NRG1: variants seen among roughly 807,000 people sequenced by gnomAD.
NRG1 encodes the protein neuregulin 1.
NRG1 carries 18 observed loss-of-function variants against 63.8 expected under a neutral mutation model. The observed-to-expected ratio is 0.28, with a 90% CI of 0.19 to 0.42. NRG1 has a LOEUF of 0.42. Ranked by LOEUF, NRG1 falls within the 10% of genes least tolerant of loss-of-function variation. The pLI, the probability that NRG1 is intolerant of heterozygous loss-of-function variation, is 1.00. For synonymous variants in NRG1, 302 were observed against 301.3 expected, an observed-to-expected ratio of 1.00 and a Z score of -0.02; for missense variants, 762 against 814.7, an observed-to-expected ratio of 0.94 and a Z score of 0.79.
intron 1 of NRG1, among the ~76,000 whole-genome samples, chr8:31,678,069 C>A (rs1354150090): frequency 7.1e-6 from 1 of 140,430 alleles, no homozygotes; most frequent in Admixed American, 7.6e-5. Context: ...AACCAACAAC[C>A]AGAAAACCCT....
chr8:32,417,984 G>T lies in NRG1; in HGVS notation c.38-177844G>T, dbSNP rs75737695. ...CTTATCTTGAAAAATGAAAATAATA[G>T]CTTCCAGATAAATCCTTATGATAGT... is the stretch of plus-strand genomic sequence containing the variant. On this transcript the variant is annotated intron_variant, in intron 1 of 10. Coordinates refer to the NRG1 transcript ENST00000519301. Among the ~76,000 whole-genome samples, 828 of 152,026 alleles carry T rather than the reference G, an allele frequency of 5.4e-3. 5 individuals are homozygous for T. The highest frequency in any genetic ancestry group is 0.018 in the African/African-American group (760 of 41,452).
At chr8:32,503,754 A>G (rs1178961402) in intron 1 of NRG1, among the ~76,000 whole-genome samples, 2 of 152,192 alleles carry the variant, frequency 1.3e-5, no homozygotes, top group Non-Finnish European at 2.9e-5. Context: ...AGTTCAGCTG[A>G]CGGACATACG....
At chr8:31,951,811 T>C (rs1586019810) in intron 1 of NRG1, among the ~76,000 whole-genome samples, 1 of 152,312 alleles carries the variant, frequency 6.6e-6, no homozygotes, top group East Asian at 1.9e-4. Flanking sequence ...AAAAGGAATA[T>C]GGAAAATACC....
At chr8:32,027,437 CTTCCTTCCTTCCTTCCTTCCTTCCTTCCT>C (rs1817572187) in intron 1 of NRG1, among the ~76,000 whole-genome samples, 1 of 123,540 alleles carries the variant, frequency 8.1e-6, no homozygotes, top group Non-Finnish European at 1.7e-5. Context: ...TCCTTCCTTC[CTTCCTTCCTTCCTTCCTTCCTTCCTTCCT>C]TCCCTCCCTC....
intron 1 of NRG1, among the ~76,000 whole-genome samples, chr8:32,530,213 T>C (rs143436552): frequency 6.6e-6 from 1 of 152,074 alleles, no homozygotes; most frequent in African/African-American, 2.4e-5. Context: ...GTTCATGCCA[T>C]TCTCCTGCCT....
chr8:32,266,561 G>T (rs188499340), intron 1 of NRG1, among the ~76,000 whole-genome samples: 1 of 152,136 alleles, frequency 6.6e-6, no homozygotes, highest in East Asian at 1.9e-4. Flanking sequence ...ATGTCAGCCA[G>T]GGCAGATAAA....
intron 1 of NRG1, among the ~76,000 whole-genome samples, chr8:32,088,219 C>T (rs1828571484): frequency 1.3e-5 from 2 of 152,196 alleles, no homozygotes; most frequent in Non-Finnish European, 2.9e-5. Context: ...AATAAAAGCT[C>T]CAAAGCCAGG....
In NRG1 at chr8:31,640,624, A is replaced by C; in HGVS notation, c.37+1193A>C. On this transcript the variant is annotated intron_variant, in intron 1 of 10. Transcript: ENST00000519301. The surrounding 1 kb of genome is among the most constrained non-coding windows in gnomAD (Gnocchi z 6.3). ...CATCTTCTTCATGGAGCCCGACGCC[A>C]ACAGCACCAGCCGCGCGCCGGCCGC... is the stretch of plus-strand genomic sequence containing the variant. The C allele has an allele frequency of 6.2e-7, 1 of 1,610,838 alleles. No individual in the cohort carries two copies. Among genetic ancestry groups the C allele is most frequent in the Non-Finnish European group, 8.5e-7 (1 of 1,179,196 alleles).
chr8:32,386,739 A>T (rs1041153811), intron 1 of NRG1, among the ~76,000 whole-genome samples: 1 of 152,216 alleles, frequency 6.6e-6, no homozygotes, highest in Non-Finnish European at 1.5e-5. Flanking sequence ...AATGGAATCC[A>T]TGGCACTTTC....
chr8:32,092,114 T>C (rs1052637101), intron 1 of NRG1, among the ~76,000 whole-genome samples: 6 of 152,070 alleles, frequency 3.9e-5, no homozygotes, highest in Non-Finnish European at 7.4e-5. Flanking sequence ...TCACAACATA[T>C]GTAAAACCAT....
At chr8:32,400,713 C>CT (rs1563411683) in intron 1 of NRG1, among the ~76,000 whole-genome samples, 1 of 152,178 alleles carries the variant, frequency 6.6e-6, no homozygotes, top group Non-Finnish European at 1.5e-5. Context: ...TTCAGCCGTT[C>CT]TGGAAAGCAG....
chr8:32,590,636 A>C (rs1201172051), intron 1 of NRG1, among the ~76,000 whole-genome samples: 1 of 152,208 alleles, frequency 6.6e-6, no homozygotes, highest in African/African-American at 2.4e-5. Context: ...GGGTATTAGA[A>C]GATACTTGGT....
At chr8:32,000,639 G>C (rs181147027) in intron 1 of NRG1, among the ~76,000 whole-genome samples, 1 of 152,058 alleles carries the variant, frequency 6.6e-6, no homozygotes, top group African/African-American at 2.4e-5. Flanking sequence ...GGTACAACCA[G>C]ACATAAGCTG....
At chr8:31,695,336 C>T (rs767049022) in intron 1 of NRG1, among the ~76,000 whole-genome samples, 20 of 152,100 alleles carry the variant, frequency 1.3e-4, no homozygotes, top group Admixed American at 2.6e-4. Flanking sequence ...CGCTAGGCTA[C>T]TGTTTATATT....
At chr8:31,670,273 T>C (rs1806988214) in intron 1 of NRG1, among the ~76,000 whole-genome samples, 1 of 152,170 alleles carries the variant, frequency 6.6e-6, no homozygotes, top group South Asian at 2.1e-4. Flanking sequence ...TCACCACTGC[T>C]GTGTTCTAGT....
rs373382269 is a variant in NRG1, at chr8:32,757,616, A to T, written c.921+1087A>T. 1.0e-3 allele frequency among the ~76,000 whole-genome samples: 155 copies of T among 152,334 alleles called. 3 individuals carry two copies. The South Asian group carries it at 0.031, about 30-fold the overall frequency. On this transcript the variant is annotated intron_variant, in intron 9 of 11. Transcript: ENST00000356819. ...TTCATCACAATGTTCTCCACATTTGATAACGATATTCACTACAAAAGGAAC... is the reference window on the plus strand; with the variant it reads ...TTCATCACAATGTTCTCCACATTTGTTAACGATATTCACTACAAAAGGAAC...
At chr8:32,515,224 T>A (rs528207686) in intron 1 of NRG1, among the ~76,000 whole-genome samples, 10 of 152,160 alleles carry the variant, frequency 6.6e-5, no homozygotes, top group Non-Finnish European at 1.2e-4. Flanking sequence ...CTAATTTAGA[T>A]TCCCCTCAAC....
At chr8:31,815,570 C>A (rs114830704) in intron 1 of NRG1, among the ~76,000 whole-genome samples, 1 of 152,124 alleles carries the variant, frequency 6.6e-6, no homozygotes, top group Non-Finnish European at 1.5e-5. Flanking sequence ...ACAGATATCT[C>A]TTTGAGTCCC....
At chr8:31,948,928 T>C (rs959872342) in intron 1 of NRG1, among the ~76,000 whole-genome samples, 5 of 152,214 alleles carry the variant, frequency 3.3e-5, no homozygotes, top group Non-Finnish European at 5.9e-5. Context: ...GCTATTAGAA[T>C]GCGCTGTGTA....
Sources: allele counts gnomAD v4.1 joint callset (sites outside exome capture counted in the v4.1 genomes callset), GRCh38; gene constraint gnomAD v4.1.1; non-coding constraint Gnocchi (gnomAD v3.1); transcripts MANE v1.5; gene names NCBI Gene and HGNC (gene_info 2026-07-23, HGNC 2026-07-21).